Variants in SIMC1 observed in about 807,000 individuals in gnomAD.
The protein encoded by SIMC1 is SUMO interacting motifs containing 1.
In SIMC1, 55 loss-of-function variants were observed where a neutral mutation model predicts 82.3. That is an observed-to-expected ratio of 0.67 (90% CI 0.54 to 0.84). The LOEUF (loss-of-function observed/expected upper bound fraction) is 0.84. Among genes scored for constraint, SIMC1 ranks in the 40% least tolerant of loss-of-function variants. The pLI is 0.00. For synonymous variants in SIMC1, 353 were observed against 426.3 expected, an observed-to-expected ratio of 0.83 and a Z score of 2.12; for missense variants, 915 against 1,107.2, an observed-to-expected ratio of 0.83 and a Z score of 2.46.
At chr5:176,334,456 T>G (rs924462344) in intron 7 of SIMC1, among the ~76,000 whole-genome samples, 8 of 152,164 alleles carry the variant, frequency 5.3e-5, no homozygotes. Flanking sequence ...GTGAGATCTC[T>G]CCACACTGAC....
intron 4 of SIMC1, among the ~76,000 whole-genome samples, chr5:176,305,714 T>G (rs1196135720): frequency 3.5e-4 from 18 of 51,432 alleles, no homozygotes; most frequent in African/African-American, 4.8e-4. Context: ...GGTGGGGGGG[T>G]CAGCCCCCCG....
chr5:176,249,013 T>C (rs567062176), intron 1 of SIMC1, among the ~76,000 whole-genome samples: 1 of 152,300 alleles, frequency 6.6e-6, no homozygotes, highest in African/African-American at 2.4e-5. Context: ...CAGTATTTTA[T>C]TGAGGATTTT....
Position 176,288,419 on chromosome 5 carries a change from GAATGAATA to G in SIMC1, c.130-1231_130-1224del, listed in dbSNP as rs1157444158. 6.3e-3 allele frequency among the ~76,000 whole-genome samples: 655 copies of G among 104,594 alleles called. 3 individuals are homozygous for G. The highest frequency in any genetic ancestry group is 0.018 in the African/African-American group (582 of 32,662). The allele number at this position is 104,594 out of a possible 152,430, so 68.6% of individuals were successfully genotyped here. ...GCGAGACTCCATCTCAAGAATGAATGAATGAATAAATAAATAAATAAATAAATAAATAA... is the reference window on the plus strand; with the variant it reads ...GCGAGACTCCATCTCAAGAATGAATGAATAAATAAATAAATAAATAAATAA... On this transcript the variant is annotated intron_variant, in intron 1 of 9. Coordinates refer to ENST00000429602, the MANE Select transcript of SIMC1 (RefSeq NM_001308195.2).
intron 5 of SIMC1, among the ~76,000 whole-genome samples, chr5:176,320,113 T>C (rs1169013510): frequency 6.6e-6 from 1 of 152,186 alleles, no homozygotes; most frequent in Admixed American, 6.5e-5. Flanking sequence ...GCCAAGGTTT[T>C]GGAAGACACG....
intron 4 of SIMC1, among the ~76,000 whole-genome samples, chr5:176,299,738 A>G (rs1286271268): frequency 6.6e-6 from 1 of 152,230 alleles, no homozygotes; most frequent in Admixed American, 6.5e-5. Context: ...CAGAAAATCA[A>G]TAAGGAAACA....
chr5:176,251,405 T>G (rs55848447), intron 1 of SIMC1, among the ~76,000 whole-genome samples: 21,395 of 152,082 alleles, frequency 0.14, 1,523 homozygotes, highest in Middle Eastern at 0.21. Flanking sequence ...GTTTTTGCAG[T>G]GGCTGGTACC....
intron 1 of SIMC1, among the ~76,000 whole-genome samples, chr5:176,262,584 T>A (rs1762054209): frequency 6.6e-6 from 1 of 152,076 alleles, no homozygotes; most frequent in Admixed American, 6.5e-5. Flanking sequence ...GCAGGTGGAG[T>A]ACTTGTGGCC....
At chr5:176,328,100 A>G (rs1050141537) in intron 7 of SIMC1, among the ~76,000 whole-genome samples, 7 of 152,136 alleles carry the variant, frequency 4.6e-5, no homozygotes, top group Non-Finnish European at 7.3e-5. Flanking sequence ...TAAAAGAAAG[A>G]TAAGTTGGCC....
intron 4 of SIMC1, among the ~76,000 whole-genome samples, chr5:176,306,890 A>G (rs1029753512): frequency 2.1e-5 from 3 of 145,578 alleles, no homozygotes; most frequent in African/African-American, 7.6e-5. Flanking sequence ...TCTGTGAGAA[A>G]CACCCAAGAA....
intron 1 of SIMC1, among the ~76,000 whole-genome samples, chr5:176,249,502 T>C (rs1761568777): frequency 6.6e-6 from 1 of 152,056 alleles, no homozygotes; most frequent in Non-Finnish European, 1.5e-5. Context: ...TTTTCTTCTT[T>C]ATTAGTCTGG....
intron 1 of SIMC1, among the ~76,000 whole-genome samples, chr5:176,252,227 C>T (rs1367262216): frequency 2.5e-4 from 38 of 150,388 alleles, no homozygotes; most frequent in Non-Finnish European, 4.7e-4. Context: ...GCCCCCCCCA[C>T]CTCCCTCCCG....
intron 1 of SIMC1, among the ~76,000 whole-genome samples, chr5:176,265,809 A>G (rs1163633478): frequency 6.6e-6 from 1 of 152,116 alleles, no homozygotes; most frequent in East Asian, 1.9e-4. Flanking sequence ...CAATGAAATG[A>G]GAATAAATTA....
intron 4 of SIMC1, among the ~76,000 whole-genome samples, chr5:176,305,516 G>A (rs1333561129): frequency 1.5e-4 from 19 of 127,884 alleles, no homozygotes; most frequent in African/African-American, 5.2e-4. Context: ...CAGCCACCCC[G>A]TCTGGGAGGG....
intron 1 of SIMC1, among the ~76,000 whole-genome samples, chr5:176,265,969 T>A (rs2560168): frequency 2.0e-5 from 3 of 152,098 alleles, no homozygotes; most frequent in Admixed American, 1.3e-4. Flanking sequence ...ATATGTGCTA[T>A]AGTAATATTA....
At chr5:176,305,805 G>C (rs1456434619) in intron 4 of SIMC1, among the ~76,000 whole-genome samples, 1 of 66,662 alleles carries the variant, frequency 1.5e-5, no homozygotes, top group Non-Finnish European at 3.3e-5. Context: ...GGAGGGAGGT[G>C]GGGGCGTCAG....
intron 4 of SIMC1, among the ~76,000 whole-genome samples, chr5:176,304,078 C>T (rs754153080): frequency 6.6e-6 from 1 of 152,148 alleles, no homozygotes; most frequent in Non-Finnish European, 1.5e-5. Context: ...TTCAGAACTT[C>T]TGTGCATCAA....
chr5:176,324,548 C>G (rs2113374970), intron 6 of SIMC1, 81 bp from the exon 7 acceptor site: 1 of 1,462,294 alleles, frequency 6.8e-7, no homozygotes, highest in South Asian at 1.3e-5. Flanking sequence ...TCGATGTACA[C>G]TGGTGGGGAC....
intron 1 of SIMC1, among the ~76,000 whole-genome samples, chr5:176,269,834 C>T (rs1454898351): frequency 6.6e-6 from 1 of 152,182 alleles, no homozygotes; most frequent in Non-Finnish European, 1.5e-5. Flanking sequence ...CAGCCTTGAC[C>T]TCCCAGGTTT....
At chr5:176,299,785 G>A (rs1051217295) in intron 4 of SIMC1, among the ~76,000 whole-genome samples, 3 of 147,962 alleles carry the variant, frequency 2.0e-5, no homozygotes, top group South Asian at 4.1e-4. Flanking sequence ...CTTAACCATA[G>A]ACATACACAG....
Sources: allele counts gnomAD v4.1 joint callset (sites outside exome capture counted in the v4.1 genomes callset), GRCh38; gene constraint gnomAD v4.1.1; transcripts MANE v1.5; gene names NCBI Gene and HGNC (gene_info 2026-07-23, HGNC 2026-07-21).